TMEM269: variants seen among roughly 807,000 people sequenced by gnomAD.
The protein encoded by TMEM269 is transmembrane protein 269.
Under a neutral mutation model 15.8 loss-of-function variants are expected in TMEM269, and 12 were observed. The ratio of observed to expected loss-of-function variants is 0.76; its 90% CI spans 0.49 to 1.23. The LOEUF (loss-of-function observed/expected upper bound fraction) is 1.23. Among genes scored for constraint, TMEM269 ranks in the 50% most tolerant of loss-of-function variants. TMEM269 has a pLI of 0.00. For synonymous variants in TMEM269, 93 were observed against 99.3 expected (o/e 0.94, Z 0.38); for missense variants, 211 against 245.4 (o/e 0.86, Z 0.94).
chr1:42,795,786 G>A (rs942693737), intron 5 of TMEM269, among the ~76,000 whole-genome samples: 16 of 152,194 alleles, frequency 1.1e-4, no homozygotes, highest in African/African-American at 3.9e-4. Context: ...AAACATCTAT[G>A]GGGATCCAGA....
At chr1:42,794,381 A>G (rs759605941) in intron 4 of TMEM269, 32 bp from the exon 5 acceptor site, 1 of 1,513,788 alleles carries the variant, frequency 6.6e-7, no homozygotes, top group South Asian at 1.2e-5. Flanking sequence ...GAGCAGAGGG[A>G]AGCAGCTAAT....
At chr1:42,786,954 A>G (rs1178120790) in intron 1 of TMEM269, among the ~76,000 whole-genome samples, 1 of 152,216 alleles carries the variant, frequency 6.6e-6, no homozygotes, top group Non-Finnish European at 1.5e-5. Context: ...TCCTGGCTCC[A>G]CCATTTACTG....
At chr1:42,789,984 A>G in intron 2 of TMEM269, 50 bp downstream of exon 2, 1 of 1,364,678 alleles carries the variant, frequency 7.3e-7, no homozygotes, top group South Asian at 1.2e-5. Context: ...AGCCAATGGC[A>G]TGCGGGAAGG....
intron 1 of TMEM269, 81 bp from the exon 2 acceptor site, chr1:42,789,715 T>G: frequency 2.3e-6 from 2 of 865,490 alleles, no homozygotes; most frequent in South Asian, 2.9e-5. Flanking sequence ...TGGGATGAGA[T>G]CTAGTGGAAC....
Position 42,793,590 on chromosome 1 carries a change from G to T in TMEM269, c.140-11G>T. 6.5e-7 allele frequency: 1 copy of T among 1,547,352 alleles called. No homozygotes were observed. Among genetic ancestry groups the T allele is most frequent in the African/African-American group, 1.4e-5 (1 of 72,962 alleles). ...GTATAAGTTCTTCTAACCTTGGGCC[G>T]TCTGGGGCAGGAGCCGAGCTGAATG... On this transcript the variant is annotated splice_polypyrimidine_tract_variant and intron_variant, in intron 3 of 5. Coordinates refer to ENST00000637012, the MANE Select transcript of TMEM269 (RefSeq NM_001354602.2).
intron 1 of TMEM269, among the ~76,000 whole-genome samples, chr1:42,787,596 G>C (rs1359790910): frequency 9.9e-6 from 1 of 101,224 alleles, no homozygotes; most frequent in African/African-American, 4.0e-5. Context: ...GACAGAGCGA[G>C]ACTCCGTCTC....
rs1416449632 is a variant in TMEM269, at chr1:42,798,157, T to C, written c.544T>C (p.Ser182Pro). 22 of 1,550,650 alleles carry C rather than the reference T, an allele frequency of 1.4e-5. No individual in the cohort carries two copies. The highest frequency in any genetic ancestry group is 1.9e-5 in the Non-Finnish European group (22 of 1,147,126). ...GTCTGCTTTTTACTGCCTGATGTGGTCGCTCTCGTACATCTTCTTTCCAGA... is the reference window on the plus strand; with the variant it reads ...GTCTGCTTTTTACTGCCTGATGTGGCCGCTCTCGTACATCTTCTTTCCAGA... ...SLSAFYCLMW[S>P]LSYIFFPDAL... The change falls in exon 6 of 6, where the codon TCG becomes CCG. Residue 182 changes from serine (S) to proline (P), a missense_variant. Coordinates refer to ENST00000637012, the MANE Select transcript of TMEM269 (RefSeq NM_001354602.2).
At chr1:42,789,763 G>A (rs1343768306) in intron 1 of TMEM269, 33 bp from the exon 2 acceptor site, 2 of 1,239,944 alleles carry the variant, frequency 1.6e-6, no homozygotes, top group South Asian at 1.3e-5. Flanking sequence ...CCTTAACCTT[G>A]GGAACCCTTC....
At chr1:42,789,414 A>G (rs1653639195) in intron 1 of TMEM269, 1 of 1,534,694 alleles carries the variant, frequency 6.5e-7, no homozygotes, top group Admixed American at 2.0e-5. Flanking sequence ...TTCGTCAGTG[A>G]CAAGGGCCCA....
rs1256348619 is a variant in TMEM269, at chr1:42,788,590, G to A, written c.-98-1206G>A. Among the ~76,000 whole-genome samples the A allele has an allele frequency of 6.6e-6, 1 of 152,164 alleles. No individual in the cohort carries two copies. The highest frequency in any genetic ancestry group is 1.5e-5 in the Non-Finnish European group (1 of 68,032). ...AGAGACTGGGAGCACTGGGGGGCCT[G>A]GGCTGGACGGTCCCACACACACAGG... is the stretch of plus-strand genomic sequence containing the variant. On this transcript the variant is annotated intron_variant, in intron 1 of 5. Coordinates refer to ENST00000637012, the MANE Select transcript of TMEM269 (RefSeq NM_001354602.2). This position sits in a 1 kb window ranked among gnomAD's most constrained non-coding sequence, Gnocchi z 4.0.
chr1:42,794,408 G>C lies in TMEM269; in HGVS notation c.284-5G>C, dbSNP rs1229495465. The C allele has an allele frequency of 8.4e-6, 13 of 1,549,280 alleles. No homozygotes were observed. The highest frequency in any genetic ancestry group is 1.1e-5 in the Non-Finnish European group (13 of 1,146,150). On this transcript the variant is annotated splice_region_variant and splice_polypyrimidine_tract_variant and intron_variant, in intron 4 of 5. Transcript: ENST00000637012. Reference sequence around the variant, plus strand: ...GCAGCTAATCTCCAGCGTTCTTCCTGGCAGGAGTCCCCTCCACATACAAGG... The same window carrying C: ...GCAGCTAATCTCCAGCGTTCTTCCTCGCAGGAGTCCCCTCCACATACAAGG...
Position 42,798,096 on chromosome 1 carries a change from A to G in TMEM269, c.485-2A>G, listed in dbSNP as rs767221301. 2.6e-6 allele frequency: 4 copies of G among 1,550,944 alleles called. No homozygotes were observed. The African/African-American group carries it at 5.5e-5, about 21-fold the overall frequency. ...GAGTGTCTGCACTTTTTGTTCTTCC[A>G]GGTGTCATCATGCTGTTTTTCTCCC... is the stretch of plus-strand genomic sequence containing the variant. On this transcript the variant is annotated splice_acceptor_variant, in intron 5 of 5. Coordinates refer to ENST00000637012, the MANE Select transcript of TMEM269 (RefSeq NM_001354602.2). LOFTEE classifies it high-confidence loss of function.
chr1:42,789,440 A>G, intron 1 of TMEM269: 1 of 1,535,396 alleles, frequency 6.5e-7, no homozygotes, highest in African/African-American at 1.4e-5. Flanking sequence ...CAGATGGGAG[A>G]AGGGCCCCAT....
At chr1:42,794,656 C>CAATAAGCAACTG in intron 5 of TMEM269, 43 bp downstream of exon 5, 4 of 1,354,640 alleles carry the variant, frequency 3.0e-6, no homozygotes, top group Non-Finnish European at 4.1e-6. Context: ...ATCACAGTTG[C>CAATAAGCAACTG]TTATTGCCAC....
At chr1:42,793,023 C>T (rs570096559) in intron 3 of TMEM269, 121 bp downstream of exon 3, 50 of 777,412 alleles carry the variant, frequency 6.4e-5, no homozygotes, top group Non-Finnish European at 9.3e-5. Context: ...GTTCACACCC[C>T]GCTGAGAGCA....
chr1:42,787,403 A>G (rs1339406670), intron 1 of TMEM269, among the ~76,000 whole-genome samples: 1 of 151,504 alleles, frequency 6.6e-6, no homozygotes, highest in Non-Finnish European at 1.5e-5. Flanking sequence ...GATCGAGACC[A>G]TCCTGGCTAA....
chr1:42,793,471 AG>A, intron 3 of TMEM269, 129 bp from the exon 4 acceptor site: 1 of 907,600 alleles, frequency 1.1e-6, no homozygotes, highest in African/African-American at 1.7e-5. Context: ...AGACTGCCCC[AG>A]GGGAGCAGCT....
rs1219616499 is a variant in TMEM269 at position 42,798,867 on chromosome 1, C to T, written c.*642C>T. ...CACGCCATTCTCCTGCCTCAGCCTCCCGCGTAGCTGGGACTACAGGCTCCC... is the reference window on the plus strand; with the variant it reads ...CACGCCATTCTCCTGCCTCAGCCTCTCGCGTAGCTGGGACTACAGGCTCCC... On this transcript the variant is annotated 3_prime_UTR_variant, in exon 6 of 6. Transcript: ENST00000637012. 1 of 151,748 alleles carries T rather than the reference C, an allele frequency of 6.6e-6. No homozygotes were observed. Among genetic ancestry groups the T allele is most frequent in the Non-Finnish European group, 1.5e-5 (1 of 68,080 alleles). 9.4% of individuals were successfully genotyped at this position (151,748 alleles called of 1,614,324 possible). A position where few individuals can be genotyped will look rare whatever the true frequency, so the allele number is the denominator to read the frequency against.
Position 42,788,129 on chromosome 1 carries a change from A to G in TMEM269, c.-98-1667A>G, listed in dbSNP as rs1394531996. 1 of 152,430 alleles carries G rather than the reference A, an allele frequency of 6.6e-6. No individual in the cohort carries two copies. Among genetic ancestry groups the G allele is most frequent in the Non-Finnish European group, 1.5e-5 (1 of 68,234 alleles). 9.4% of individuals were successfully genotyped at this position (152,430 alleles called of 1,614,324 possible). The stretch of plus-strand genomic sequence containing the variant: ...TGCTGCCCTGATAAACTCTAGTCCC[A>G]AACTCCAAGTCAGCCCTCCCAGCTG... On this transcript the variant is annotated intron_variant, in intron 1 of 5. Coordinates refer to ENST00000637012, the MANE Select transcript of TMEM269 (RefSeq NM_001354602.2). This position sits in a 1 kb window ranked among gnomAD's most constrained non-coding sequence, Gnocchi z 4.0.
Sources: allele counts gnomAD v4.1 joint callset (sites outside exome capture counted in the v4.1 genomes callset), GRCh38; gene constraint gnomAD v4.1.1; non-coding constraint Gnocchi (gnomAD v3.1); transcripts MANE v1.5; gene names NCBI Gene and HGNC (gene_info 2026-07-23, HGNC 2026-07-21).